HDC: variants seen among roughly 807,000 people sequenced by gnomAD.
HDC encodes histidine decarboxylase.
A neutral mutation model predicts 64.4 loss-of-function variants in HDC; 27 were observed. That is an observed-to-expected ratio of 0.42 (90% CI 0.31 to 0.58). The LOEUF (loss-of-function observed/expected upper bound fraction) is 0.58. HDC is among the 20% of genes least tolerant of loss of function. The pLI is 0.16. For missense variants in HDC, 711 were observed against 833.9 expected (o/e 0.85, Z 1.81); for synonymous variants, 305 against 314.2 (o/e 0.97, Z 0.31).
chr15:50,256,267 C>A (rs917419039), intron 4 of HDC, among the ~76,000 whole-genome samples: 1 of 152,176 alleles, frequency 6.6e-6, no homozygotes, highest in Admixed American at 6.5e-5. Context: ...CAACATGCTG[C>A]AATTTGTCTT....
intron 2 of HDC, among the ~76,000 whole-genome samples, chr15:50,261,786 C>T (rs568007887): frequency 1.1e-3 from 172 of 151,618 alleles, no homozygotes; most frequent in African/African-American, 4.1e-3. Flanking sequence ...CTCAGCTCAC[C>T]GCAACCTCCG....
Position 50,242,943 on chromosome 15 carries a change from T to C in HDC, c.1306A>G (p.Ile436Val). Residue 436 changes from isoleucine (I) to valine (V), a missense_variant, in exon 12 of 12, where the codon ATC becomes GTC. Ile to Val is a conservative substitution (Grantham distance 29, BLOSUM62 3). This residue lies in a region of HDC where 483 missense variants were observed against 540.9 expected (regional missense o/e 0.89). Coordinates refer to ENST00000267845, the MANE Select transcript of HDC (RefSeq NM_002112.4). ...EIAKAGRLFL[I>V]PATIQDKLII... is the part of the protein sequence containing the mutation. ...AACTTGTCCTGGATAGTGGCCGGGA[T>C]GAGGAAGAGACGGCCAGCTTTAGCT... 6.2e-7 allele frequency: 1 copy of C among 1,613,900 alleles called. No individual in the cohort carries two copies. Among genetic ancestry groups the C allele is most frequent in the Non-Finnish European group, 8.5e-7 (1 of 1,179,820 alleles).
chr15:50,263,879 A>C (rs1284152822), intron 1 of HDC, among the ~76,000 whole-genome samples: 1 of 152,200 alleles, frequency 6.6e-6, no homozygotes, highest in African/African-American at 2.4e-5. Context: ...GGAGTGAATG[A>C]ATGATGGAGG....
At chr15:50,265,013 A>G (rs1183717884) in intron 1 of HDC, among the ~76,000 whole-genome samples, 1 of 152,234 alleles carries the variant, frequency 6.6e-6, no homozygotes, top group Non-Finnish European at 1.5e-5. Context: ...GATATAAAAC[A>G]TTATAGAAAT....
intron 10 of HDC, among the ~76,000 whole-genome samples, chr15:50,247,007 CAT>C (rs1465607758): frequency 1.3e-5 from 2 of 152,326 alleles, no homozygotes; most frequent in Non-Finnish European, 1.5e-5. Flanking sequence ...ACAAATTTCA[CAT>C]GTTCTCACTC....
At chr15:50,253,561 T>G in intron 7 of HDC, 39 bp downstream of exon 7, 1 of 1,562,672 alleles carries the variant, frequency 6.4e-7, no homozygotes, top group Non-Finnish European at 8.8e-7. Flanking sequence ...TTTAAAAATG[T>G]ATTCCTTGTC....
intron 10 of HDC, among the ~76,000 whole-genome samples, chr15:50,243,726 A>C (rs1365426993): frequency 6.6e-6 from 1 of 152,212 alleles, no homozygotes; most frequent in Non-Finnish European, 1.5e-5. Context: ...CCCCATCCTA[A>C]GCCTACATGC....
intron 9 of HDC, 112 bp downstream of exon 9, chr15:50,252,318 C>A (rs2045566774): frequency 2.5e-6 from 2 of 794,260 alleles, no homozygotes; most frequent in Non-Finnish European, 2.2e-6. Context: ...GAGATGAGCT[C>A]ATAGTGTGCT....
chr15:50,248,462 A>ACAACAG lies in HDC; in HGVS notation c.1042-120_1042-119insCTGTTG, dbSNP rs1486237253. 4.1e-6 allele frequency: 3 copies of ACAACAG among 736,960 alleles called. No individual in the cohort carries two copies. 45.7% of individuals were successfully genotyped at this position (736,960 alleles called of 1,614,324 possible). On this transcript the variant is annotated intron_variant, in intron 9 of 11. Transcript: ENST00000267845. The surrounding 1 kb of genome is among the most constrained non-coding windows in gnomAD (Gnocchi z 4.3). ...TCCAGGGATGGACGATGTCACCATG[A>ACAACAG]CTCTGGGAGCTGTTGCTAAGGAGTA...
At chr15:50,243,770 A>G (rs2045437519) in intron 10 of HDC, among the ~76,000 whole-genome samples, 1 of 152,198 alleles carries the variant, frequency 6.6e-6, no homozygotes, top group African/African-American at 2.4e-5. Context: ...CTCACCCTGT[A>G]CCCCAAATGC....
intron 7 of HDC, 22 bp from the exon 8 acceptor site, chr15:50,252,796 G>A: frequency 6.2e-7 from 1 of 1,602,800 alleles, no homozygotes; most frequent in East Asian, 2.3e-5. Flanking sequence ...AACATCACCT[G>A]GCCGGAGGGG....
intron 10 of HDC, among the ~76,000 whole-genome samples, chr15:50,246,076 C>T (rs2045477644): frequency 6.6e-6 from 1 of 151,952 alleles, no homozygotes; most frequent in South Asian, 2.1e-4. Context: ...AGAAAGCAGC[C>T]CAGAACTATG....
In HDC at chr15:50,242,317, T is replaced by G. The variant is rs2073440; in HGVS notation, c.1932A>C (p.Glu644Asp). ...IKFYSVPSFPECSSQCGLQLP... is the reference protein window; with the variant it reads ...IKFYSVPSFPDCSSQCGLQLP... ...GCTGGAGTCCACATTGAGAGCTGCA[T>G]TCAGGAAAGCTGGGGACGCTGTAGA... Residue 644 changes from glutamate to aspartate, a missense_variant, in exon 12 of 12, where the codon GAA (glutamate) becomes GAC (aspartate). Glu to Asp is a conservative substitution (Grantham distance 45). This residue lies in a region of HDC where 483 missense variants were observed against 540.9 expected (regional missense o/e 0.89). Coordinates refer to ENST00000267845, the MANE Select transcript of HDC (RefSeq NM_002112.4). The G allele has an allele frequency of 0.032, 51,608 of 1,614,018 alleles. 1,376 individuals carry two copies. The highest frequency in any genetic ancestry group is 0.14 in the African/African-American group (10,326 of 74,980).
At position 50,248,881 on chromosome 15, in the gene HDC, G is replaced by A. The variant is rs2045517805; in HGVS notation, c.1042-538C>T. Among the ~76,000 whole-genome samples the A allele has an allele frequency of 6.6e-6, 1 of 152,170 alleles. No individual in the cohort carries two copies. Among genetic ancestry groups the A allele is most frequent in the East Asian group, 1.9e-4 (1 of 5,200 alleles). ...CTGGCTCATCAGTCCGGGACATAAAGAACCAATTGCACCTCCCGGGCAAGT... is the reference window on the plus strand; with the variant it reads ...CTGGCTCATCAGTCCGGGACATAAAAAACCAATTGCACCTCCCGGGCAAGT... On this transcript the variant is annotated intron_variant, in intron 9 of 11. Coordinates refer to ENST00000267845, the MANE Select transcript of HDC (RefSeq NM_002112.4). The surrounding 1 kb of genome is among the most constrained non-coding windows in gnomAD (Gnocchi z 4.3).
chr15:50,265,181 A>T (rs2045751222), intron 1 of HDC, among the ~76,000 whole-genome samples: 1 of 152,214 alleles, frequency 6.6e-6, no homozygotes, highest in Admixed American at 6.5e-5. Flanking sequence ...CTGCTGATAG[A>T]TTCACACATG....
At chr15:50,257,669 G>T in intron 3 of HDC, 122 bp from the exon 4 acceptor site, 1 of 1,060,994 alleles carries the variant, frequency 9.4e-7, no homozygotes, top group African/African-American at 1.6e-5. Flanking sequence ...AAGGGGTCAT[G>T]TTAGGCCACG....
chr15:50,263,981 C>A (rs1172510211), intron 1 of HDC, among the ~76,000 whole-genome samples: 1 of 152,178 alleles, frequency 6.6e-6, no homozygotes, highest in Non-Finnish European at 1.5e-5. Flanking sequence ...CTTTCCCCTT[C>A]CTTTATCCAC....
rs978408119 is a variant in HDC at position 50,252,842 on chromosome 15, C to G, written c.788-68G>C. ...TGGGGAAAGATGTCTCGCACCTGGC[C>G]AAGCTGAGTGGTGGGCTGCAAGGAT... is the stretch of plus-strand genomic sequence containing the variant. On this transcript the variant is annotated intron_variant, in intron 7 of 11. Coordinates refer to ENST00000267845, the MANE Select transcript of HDC (RefSeq NM_002112.4). The G allele has an allele frequency of 2.7e-6, 4 of 1,484,756 alleles. No homozygotes were observed. The African/African-American group carries it at 5.5e-5, about 21-fold the overall frequency. The allele number at this position is 1,484,756 out of a possible 1,614,324, so 92.0% of individuals were successfully genotyped here.
chr15:50,251,041 T>C (rs908168632), intron 9 of HDC, among the ~76,000 whole-genome samples: 6 of 152,348 alleles, frequency 3.9e-5, no homozygotes, highest in Admixed American at 1.3e-4. Flanking sequence ...GAAGGATGCT[T>C]ACAGGGGTCA....
Sources: gnomAD v4.1 joint callset for allele counts (sites outside exome capture counted in the v4.1 genomes callset) on GRCh38, gnomAD v4.1.1 for gene constraint, gnomAD v4.1.1 regional missense constraint, Gnocchi (gnomAD v3.1) non-coding constraint, MANE v1.5 for transcripts, NCBI Gene and HGNC (gene_info 2026-07-23, HGNC 2026-07-21) for gene names.